The following SLC17A1 variants were observed in gnomAD, a reference collection of about 807,000 sequenced individuals.
SLC17A1 encodes solute carrier family 17 member 1.
Under a neutral mutation model 53.5 loss-of-function variants are expected in SLC17A1, and 51 were observed. The ratio of observed to expected loss-of-function variants is 0.95; its 90% CI spans 0.76 to 1.20. SLC17A1 has a LOEUF of 1.20. SLC17A1 is among the 50% of genes most tolerant of loss of function. The probability of loss-of-function intolerance (pLI) is 0.00; values close to 1 mark genes in which losing one functional copy is unlikely to be tolerated. For synonymous variants in SLC17A1, 179 were observed against 198.8 expected (o/e 0.90, Z 0.84); for missense variants, 538 against 568.2 (o/e 0.95, Z 0.54).
chr6:25,735,614 C>T, the SLC17A1 span, among the ~76,000 whole-genome samples: 4 of 151,818 alleles, frequency 2.6e-5, no homozygotes, highest in Admixed American at 1.3e-4. Context: ...ACCTTTTATT[C>T]CATGACCAAA....
At chr6:25,806,932 A>G (rs751912262) in intron 10 of SLC17A1, among the ~76,000 whole-genome samples, 16 of 152,118 alleles carry the variant, frequency 1.1e-4, no homozygotes, top group Non-Finnish European at 2.2e-4. Flanking sequence ...AAAATGCTCA[A>G]TATTACTAAT....
the SLC17A1 span, among the ~76,000 whole-genome samples, chr6:25,759,795 T>C: frequency 6.6e-6 from 1 of 152,248 alleles, no homozygotes; most frequent in Non-Finnish European, 1.5e-5. Context: ...TTGAAGACTA[T>C]AGATACTTGG....
intron 12 of SLC17A1, chr6:25,798,576 C>A: frequency 2.5e-6 from 1 of 404,326 alleles, no homozygotes; most frequent in Non-Finnish European, 4.3e-6. Flanking sequence ...TAAAGAGGCC[C>A]AGCCTCCCAA....
chr6:25,769,318 AAG>A, the SLC17A1 span: 1 of 875,602 alleles, frequency 1.1e-6, no homozygotes, highest in Non-Finnish European at 1.7e-6. Flanking sequence ...GGAATGGCAC[AAG>A]TACCTAAGTA....
the SLC17A1 span, chr6:25,731,961 C>T: frequency 6.3e-7 from 1 of 1,597,420 alleles, no homozygotes; most frequent in Non-Finnish European, 8.5e-7. Flanking sequence ...AAAAATGTCA[C>T]TAACAAAAGA....
intron 6 of SLC17A1, among the ~76,000 whole-genome samples, chr6:25,815,584 C>T (rs1764322739): frequency 6.6e-6 from 1 of 152,138 alleles, no homozygotes; most frequent in Non-Finnish European, 1.5e-5. Flanking sequence ...CACCTCCTCC[C>T]CTCACCAGAC....
the SLC17A1 span, chr6:25,768,906 ATCT>A: frequency 7.7e-7 from 1 of 1,301,498 alleles, no homozygotes. Flanking sequence ...ACAGATACCA[ATCT>A]TCTCCTTCTT....
At chr6:25,792,150 T>G (rs544322501) in intron 12 of SLC17A1, among the ~76,000 whole-genome samples, 16 of 152,244 alleles carry the variant, frequency 1.1e-4, no homozygotes, top group African/African-American at 3.9e-4. Context: ...CCTTTTATAT[T>G]TGGGACTTCC....
the SLC17A1 span, chr6:25,777,562 CAAAACAACAACA>C: frequency 1.8e-5 from 2 of 108,736 alleles, no homozygotes; most frequent in Admixed American, 1.2e-4. Flanking sequence ...CAGCAGAAGC[CAAAACAACAACA>C]ACAACAACAA....
At chr6:25,788,673 T>TTGCCTTGGC (rs3034356) in intron 12 of SLC17A1, among the ~76,000 whole-genome samples, 1 of 151,342 alleles carries the variant, frequency 6.6e-6, no homozygotes, top group Admixed American at 6.6e-5. Flanking sequence ...ATGAGGAAGG[T>TTGCCTTGGC]CCAGGAGGTG....
downstream of SLC17A1, chr6:25,777,950 A>AT: frequency 6.2e-7 from 1 of 1,613,184 alleles, no homozygotes; most frequent in South Asian, 1.1e-5. Flanking sequence ...TCAAAGGACT[A>AT]TTGCAAGTCT....
the SLC17A1 span, among the ~76,000 whole-genome samples, chr6:25,734,869 G>T: frequency 6.6e-6 from 1 of 152,094 alleles, no homozygotes; most frequent in Non-Finnish European, 1.5e-5. Flanking sequence ...TCTTTAAAAA[G>T]GGTATTAAAA....
chr6:25,744,021 T>C, the SLC17A1 span, among the ~76,000 whole-genome samples: 1 of 152,140 alleles, frequency 6.6e-6, no homozygotes, highest in Non-Finnish European at 1.5e-5. Context: ...GCAAGGTCCA[T>C]TCAGGGAGAT....
At chr6:25,777,854 C>T in the SLC17A1 span, 4 of 1,265,098 alleles carry the variant, frequency 3.2e-6, no homozygotes, top group Admixed American at 5.1e-5. Flanking sequence ...TATTTGCCTC[C>T]CTCTCCCGGG....
At chr6:25,772,740 G>T in the SLC17A1 span, among the ~76,000 whole-genome samples, 1 of 152,200 alleles carries the variant, frequency 6.6e-6, no homozygotes, top group Non-Finnish European at 1.5e-5. Flanking sequence ...ACTCTGCAAA[G>T]CATGACTAGC....
intron 9 of SLC17A1, 26 bp from the exon 10 acceptor site, chr6:25,811,571 T>C (rs148834664): frequency 8.7e-6 from 14 of 1,613,464 alleles, no homozygotes; most frequent in Non-Finnish European, 1.2e-5. Context: ...GACAACATAG[T>C]CAGGTGCATC....
intron 6 of SLC17A1, among the ~76,000 whole-genome samples, chr6:25,815,453 T>C (rs1380178575): frequency 1.3e-5 from 2 of 152,134 alleles, no homozygotes; most frequent in Non-Finnish European, 2.9e-5. Flanking sequence ...AATGAAGTAC[T>C]ATTTTTTGTT....
intron 10 of SLC17A1, among the ~76,000 whole-genome samples, chr6:25,808,255 GC>G: frequency 6.6e-6 from 1 of 151,536 alleles, no homozygotes; most frequent in Middle Eastern, 3.4e-3. Flanking sequence ...GCCACCAAAT[GC>G]CATATGTTTT....
At chr6:25,776,326 TA>T in the SLC17A1 span, among the ~76,000 whole-genome samples, 1 of 152,190 alleles carries the variant, frequency 6.6e-6, no homozygotes, top group Non-Finnish European at 1.5e-5. Context: ...ACCCTTTGCC[TA>T]TTTTTGTACT....
Sources: allele counts gnomAD v4.1 joint callset (sites outside exome capture counted in the v4.1 genomes callset), GRCh38; gene constraint gnomAD v4.1.1; transcripts MANE v1.5; gene names NCBI Gene and HGNC (gene_info 2026-07-23, HGNC 2026-07-21).